The following MICU1 variants were observed in gnomAD, a reference collection of about 807,000 sequenced individuals.
MICU1 encodes mitochondrial calcium uptake 1, also known as calcium uptake protein 1, mitochondrial.
A neutral mutation model predicts 56.8 loss-of-function variants in MICU1; 45 were observed. The observed-to-expected ratio is 0.79, with a 90% CI of 0.62 to 1.02. The LOEUF is 1.02. MICU1 is among the 50% of genes least tolerant of loss of function. MICU1 has a pLI of 0.00. For missense variants in MICU1, 504 were observed against 587.1 expected, an observed-to-expected ratio of 0.86 and a Z score of 1.46; for synonymous variants, 186 against 195.1, an observed-to-expected ratio of 0.95 and a Z score of 0.39.
At chr10:72,403,967 T>G (rs1180429561) in intron 10 of MICU1, among the ~76,000 whole-genome samples, 1 of 147,982 alleles carries the variant, frequency 6.8e-6, no homozygotes, top group Non-Finnish European at 1.5e-5. Context: ...GTGTGTGTGT[T>G]TTATTTTTTG....
intron 6 of MICU1, among the ~76,000 whole-genome samples, chr10:72,507,668 CAG>C (rs963540764): frequency 6.6e-6 from 1 of 152,148 alleles, no homozygotes; most frequent in African/African-American, 2.4e-5. Flanking sequence ...GTTTTTGAGA[CAG>C]GGTGTCACTC....
At chr10:72,425,277 C>T (rs555708297) in intron 8 of MICU1, among the ~76,000 whole-genome samples, 7 of 152,184 alleles carry the variant, frequency 4.6e-5, no homozygotes, top group Non-Finnish European at 1.0e-4. Flanking sequence ...GGGGCAATCC[C>T]GTATGTTGGA....
chr10:72,600,576 G>A (rs555406015), intron 1 of MICU1, among the ~76,000 whole-genome samples: 8 of 149,392 alleles, frequency 5.4e-5, no homozygotes, highest in Non-Finnish European at 8.9e-5. Flanking sequence ...TTGAACCCAG[G>A]AGGTGGAGGT....
intron 8 of MICU1, among the ~76,000 whole-genome samples, chr10:72,459,476 C>A (rs1026150062): frequency 2.0e-5 from 3 of 152,180 alleles, no homozygotes; most frequent in African/African-American, 7.2e-5. Flanking sequence ...CCAATACCAG[C>A]AGTTTCCTGT....
At chr10:72,487,018 ATT>A (rs943431284) in intron 6 of MICU1, among the ~76,000 whole-genome samples, 1 of 152,220 alleles carries the variant, frequency 6.6e-6, no homozygotes, top group African/African-American at 2.4e-5. Context: ...CAAACATTAA[ATT>A]TATGGTGAAG....
At chr10:72,447,692 A>G (rs1865147705) in intron 8 of MICU1, among the ~76,000 whole-genome samples, 1 of 152,140 alleles carries the variant, frequency 6.6e-6, no homozygotes, top group Admixed American at 6.6e-5. Flanking sequence ...AGATATGAAA[A>G]AATCAATTGT....
chr10:72,495,655 C>CAAAA (rs758909513), intron 6 of MICU1, among the ~76,000 whole-genome samples: 2 of 85,406 alleles, frequency 2.3e-5, no homozygotes, highest in Admixed American at 1.3e-4. Context: ...ACCTCTGTCT[C>CAAAA]AAAAAAAAAA....
intron 7 of MICU1, chr10:72,475,914 AT>A: frequency 2.2e-6 from 1 of 456,522 alleles, no homozygotes; most frequent in Non-Finnish European, 4.4e-6. Flanking sequence ...AAGGATGAAC[AT>A]TTGTTTTGGA....
intron 1 of MICU1, among the ~76,000 whole-genome samples, chr10:72,623,574 CAGGCCTGTAATCCCAGCATTTTGGG>C (rs1202885288): frequency 1.3e-5 from 2 of 152,006 alleles, no homozygotes; most frequent in Non-Finnish European, 2.9e-5. Context: ...TGTGGTGGCT[CAGGCCTGTAATCCCAGCATTTTGGG>C]AGGCCGAGGC....
intron 5 of MICU1, among the ~76,000 whole-genome samples, chr10:72,523,184 C>T (rs1414806419): frequency 6.6e-6 from 1 of 152,066 alleles, no homozygotes; most frequent in Non-Finnish European, 1.5e-5. Context: ...GTAAGCCATA[C>T]AATTATTAAA....
intron 6 of MICU1, 44 bp from the exon 7 acceptor site, chr10:72,477,300 A>C: frequency 7.0e-7 from 1 of 1,425,376 alleles, no homozygotes; most frequent in Non-Finnish European, 9.5e-7. Context: ...ATTGACCAAA[A>C]ATAAATCCCT....
In MICU1 at chr10:72,569,237, A is replaced by ATATTTTTT; in HGVS notation, c.-1-2444_-1-2443insAAAAAATA. Among the ~76,000 whole-genome samples, 64 of 34,378 alleles carry ATATTTTTT rather than the reference A, an allele frequency of 1.9e-3. 3 individuals carry two copies. The highest frequency in any genetic ancestry group is 4.2e-3 in the Admixed American group (7 of 1,650). 22.6% of individuals were successfully genotyped at this position (34,378 alleles called of 152,430 possible). ...TATATATATATATATATATATATAT[A>ATATTTTTT]TTTTTTTTTTTTTTTGAGATGGCGT... is the stretch of plus-strand genomic sequence containing the variant. On this transcript the variant is annotated intron_variant, in intron 1 of 11. Transcript: ENST00000361114.
intron 9 of MICU1, among the ~76,000 whole-genome samples, chr10:72,409,481 G>T (rs1863735935): frequency 6.6e-6 from 1 of 152,172 alleles, no homozygotes; most frequent in Non-Finnish European, 1.5e-5. Flanking sequence ...GATCACTTGA[G>T]CTCAGTGACC....
chr10:72,534,167 A>G (rs1178537031), intron 4 of MICU1, among the ~76,000 whole-genome samples: 2 of 150,854 alleles, frequency 1.3e-5, no homozygotes, highest in East Asian at 1.9e-4. Flanking sequence ...AATTTTTTCT[A>G]TCAAGTTCAA....
chr10:72,500,963 T>C (rs1483060020), intron 6 of MICU1, among the ~76,000 whole-genome samples: 1 of 152,218 alleles, frequency 6.6e-6, no homozygotes, highest in Non-Finnish European at 1.5e-5. Context: ...TGCAGAGAAG[T>C]AAGCTACTAA....
intron 8 of MICU1, among the ~76,000 whole-genome samples, chr10:72,439,231 C>T (rs1864838731): frequency 6.6e-6 from 1 of 152,188 alleles, no homozygotes; most frequent in Non-Finnish European, 1.5e-5. Context: ...CCCTGGGATG[C>T]AAGGCTGGTT....
chr10:72,484,354 C>T (rs536179707), intron 6 of MICU1, among the ~76,000 whole-genome samples: 2 of 151,794 alleles, frequency 1.3e-5, no homozygotes, highest in South Asian at 4.2e-4. Context: ...TAGCTCTGCT[C>T]CTTTAACACA....
intron 10 of MICU1, among the ~76,000 whole-genome samples, chr10:72,380,118 TCC>T (rs1245481650): frequency 1.3e-5 from 2 of 152,250 alleles, no homozygotes; most frequent in East Asian, 3.9e-4. Flanking sequence ...CAAGTTTTCC[TCC>T]CAGATCTCAA....
intron 5 of MICU1, among the ~76,000 whole-genome samples, chr10:72,529,795 T>C (rs542495417): frequency 6.6e-6 from 1 of 152,170 alleles, no homozygotes; most frequent in South Asian, 2.1e-4. Context: ...AATAATTGCT[T>C]TGTTTTATAT....
Sources: gnomAD v4.1 joint callset for allele counts (sites outside exome capture counted in the v4.1 genomes callset) on GRCh38, gnomAD v4.1.1 for gene constraint, MANE v1.5 for transcripts, NCBI Gene and HGNC (gene_info 2026-07-23, HGNC 2026-07-21) for gene names.